Variants in SLC24A2 observed in about 807,000 individuals in gnomAD.
SLC24A2 encodes the protein sodium/potassium/calcium exchanger 2.
In SLC24A2, 36 loss-of-function variants were observed where a neutral mutation model predicts 62.0. That is an observed-to-expected ratio of 0.58 (90% CI 0.44 to 0.77). The LOEUF (loss-of-function observed/expected upper bound fraction) is 0.77. Among genes scored for constraint, SLC24A2 ranks in the 30% least tolerant of loss-of-function variants. The pLI is 0.00. For missense variants in SLC24A2, 846 were observed against 817.9 expected (o/e 1.03, Z -0.42); for synonymous variants, 358 against 294.0 (o/e 1.22, Z -2.23).
chr9:19,766,505 T>C (rs1042128622), intron 2 of SLC24A2, among the ~76,000 whole-genome samples: 1 of 152,220 alleles, frequency 6.6e-6, no homozygotes. Context: ...TTTTTATTGA[T>C]GTTGATGCTA....
chr9:19,706,481 G>T (rs1244422681), intron 2 of SLC24A2, among the ~76,000 whole-genome samples: 1 of 150,666 alleles, frequency 6.6e-6, no homozygotes, highest in African/African-American at 2.4e-5. Flanking sequence ...CCGGGTTCAC[G>T]CCATTCTCCT....
chr9:20,094,286 T>G, the SLC24A2 span, among the ~76,000 whole-genome samples: 2 of 152,308 alleles, frequency 1.3e-5, no homozygotes, highest in South Asian at 4.1e-4. Context: ...AACCACATTT[T>G]TCTGGAAAAC....
the SLC24A2 span, among the ~76,000 whole-genome samples, chr9:20,229,074 C>G: frequency 2.6e-5 from 4 of 152,108 alleles, no homozygotes; most frequent in African/African-American, 9.7e-5. Flanking sequence ...CTTGTAACCC[C>G]CAGAGTGCTG....
chr9:20,223,032 G>T, the SLC24A2 span, among the ~76,000 whole-genome samples: 4 of 151,980 alleles, frequency 2.6e-5, no homozygotes, highest in African/African-American at 9.6e-5. Flanking sequence ...TCTATACAAA[G>T]TTAAAATCAA....
At chr9:19,584,290 A>AAC (rs1554682257) in intron 5 of SLC24A2, among the ~76,000 whole-genome samples, 8 of 135,580 alleles carry the variant, frequency 5.9e-5, no homozygotes, top group African/African-American at 2.1e-4. Flanking sequence ...AAAAAAAAAA[A>AAC]AAACAAACAA....
At chr9:19,657,239 T>C (rs555654444) in intron 2 of SLC24A2, among the ~76,000 whole-genome samples, 33 of 152,330 alleles carry the variant, frequency 2.2e-4, no homozygotes, top group African/African-American at 7.5e-4. Context: ...AAACTCAACC[T>C]GGCACTCCAT....
the SLC24A2 span, among the ~76,000 whole-genome samples, chr9:20,164,252 C>T: frequency 6.6e-6 from 1 of 151,876 alleles, no homozygotes; most frequent in Admixed American, 6.6e-5. Flanking sequence ...GGGCTAATAT[C>T]CAGAATCTAC....
Position 19,533,479 on chromosome 9 carries a change from T to C in SLC24A2, c.1480-5341A>G, listed in dbSNP as rs537612234. On this transcript the variant is annotated intron_variant, in intron 8 of 10. Transcript: ENST00000341998. ...GACTTGCTTTGACCAAAAGAATGTA[T>C]TGGAAGTGACAGCGTGCAAATTTCA... is the stretch of plus-strand genomic sequence containing the variant. 7.9e-4 allele frequency among the ~76,000 whole-genome samples: 121 copies of C among 152,346 alleles called. 1 individual carries two copies. Among genetic ancestry groups the C allele is most frequent in the Middle Eastern group, 3.4e-3 (1 of 294 alleles).
At chr9:19,518,982 TAATTA>T (rs1234495062) in intron 10 of SLC24A2, among the ~76,000 whole-genome samples, 2 of 152,214 alleles carry the variant, frequency 1.3e-5, no homozygotes, top group East Asian at 3.9e-4. Context: ...TCCTAACAAA[TAATTA>T]AAAGAGGAGG....
At chr9:19,882,056 CACCACCATAT>C in the SLC24A2 span, among the ~76,000 whole-genome samples, 3 of 152,170 alleles carry the variant, frequency 2.0e-5, no homozygotes, top group African/African-American at 7.2e-5. Flanking sequence ...TCGTTTCAAA[CACCACCATAT>C]TAATCTGTCA....
the SLC24A2 span, among the ~76,000 whole-genome samples, chr9:20,106,693 A>G: frequency 6.6e-5 from 10 of 152,192 alleles, no homozygotes; most frequent in Middle Eastern, 3.4e-3. Flanking sequence ...TTGATGGGAC[A>G]TATCTCAAAA....
At chr9:20,188,770 C>G in the SLC24A2 span, among the ~76,000 whole-genome samples, 1 of 152,118 alleles carries the variant, frequency 6.6e-6, no homozygotes, top group Admixed American at 6.5e-5. Flanking sequence ...AGCAAGGAAA[C>G]AGATGCTCCC....
chr9:20,001,112 CA>C, the SLC24A2 span, among the ~76,000 whole-genome samples: 1 of 152,148 alleles, frequency 6.6e-6, no homozygotes, highest in African/African-American at 2.4e-5. Context: ...TTGTGGGCCA[CA>C]AAGGAGAAAG....
the SLC24A2 span, among the ~76,000 whole-genome samples, chr9:20,284,531 AT>A: frequency 1.3e-5 from 2 of 151,300 alleles, no homozygotes; most frequent in Admixed American, 6.6e-5. Flanking sequence ...CTTAAAACAC[AT>A]TTTTTTTTGT....
At chr9:19,539,515 TTGAG>T (rs1264195911) in intron 8 of SLC24A2, among the ~76,000 whole-genome samples, 1 of 143,752 alleles carries the variant, frequency 7.0e-6, no homozygotes, top group Non-Finnish European at 1.5e-5. Flanking sequence ...TTGAGCGGCT[TTGAG>T]TGAGATTCTT....
intron 10 of SLC24A2, 83 bp from the exon 11 acceptor site, chr9:19,516,485 T>C: frequency 6.7e-7 from 1 of 1,482,256 alleles, no homozygotes; most frequent in Non-Finnish European, 9.3e-7. Context: ...ATATAACCTA[T>C]TATTACCTTC....
At chr9:20,114,199 C>T in the SLC24A2 span, among the ~76,000 whole-genome samples, 2 of 152,128 alleles carry the variant, frequency 1.3e-5, no homozygotes, top group South Asian at 4.2e-4. Flanking sequence ...CCAAATAGCA[C>T]GTTTGTGTGA....
the SLC24A2 span, among the ~76,000 whole-genome samples, chr9:20,155,159 A>C: frequency 6.6e-6 from 1 of 151,676 alleles, no homozygotes. Flanking sequence ...AAAAAAAAAA[A>C]AAACTAGGGT....
At chr9:19,913,096 C>T in the SLC24A2 span, among the ~76,000 whole-genome samples, 7 of 152,146 alleles carry the variant, frequency 4.6e-5, no homozygotes, top group Non-Finnish European at 7.4e-5. Context: ...GTTTCTATCA[C>T]TTCTACATTC....
Sources: gnomAD v4.1 joint callset for allele counts (sites outside exome capture counted in the v4.1 genomes callset) on GRCh38, gnomAD v4.1.1 for gene constraint, MANE v1.5 for transcripts, NCBI Gene and HGNC (gene_info 2026-07-23, HGNC 2026-07-21) for gene names.